Variants in RAC1 observed in about 807,000 individuals in gnomAD.
RAC1 encodes Rac family small GTPase 1, also known as ras-related C3 botulinum toxin substrate 1.
Under a neutral mutation model 25.2 loss-of-function variants are expected in RAC1, and 2 were observed. The ratio of observed to expected loss-of-function variants is 0.08; its 90% CI spans 0.03 to 0.25. The LOEUF (loss-of-function observed/expected upper bound fraction) is 0.25, where lower values mean the gene tolerates loss of function less well. RAC1 is among the 10% of genes least tolerant of loss of function. The probability of loss-of-function intolerance (pLI) is 1.00; values close to 1 mark genes in which losing one functional copy is unlikely to be tolerated. For missense variants in RAC1, 50 were observed against 235.7 expected, an observed-to-expected ratio of 0.21 and a Z score of 5.16; for synonymous variants, 88 against 94.0, an observed-to-expected ratio of 0.94 and a Z score of 0.37.
rs1783442167 is a variant in RAC1 at position 6,402,528 on chromosome 7, A to AAAC, written c.*84_*85insCAA. On this transcript the variant is annotated 3_prime_UTR_variant, in exon 6 of 6. Coordinates refer to ENST00000348035, the MANE Select transcript of RAC1 (RefSeq NM_006908.5). ...AAAAAAAAACAAAAAAAAAAAACAAAAAAAAAAAACAACGGTGGAGCCTTC... is the reference window on the plus strand; with the variant it reads ...AAAAAAAAACAAAAAAAAAAAACAAAAACAAAAAAAAACAACGGTGGAGCCTTC... The AAAC allele has an allele frequency of 6.1e-6, 7 of 1,147,582 alleles. No homozygotes were observed. In the African/African-American group the frequency reaches 1.2e-4, roughly 19 times the overall value. The allele number at this position is 1,147,582 out of a possible 1,614,324, so 71.1% of individuals were successfully genotyped here. A position where few individuals can be genotyped will look rare whatever the true frequency, so the allele number is the denominator to read the frequency against.
chr7:6,379,985 T>C (rs1482788044), intron 1 of RAC1, among the ~76,000 whole-genome samples: 1 of 152,218 alleles, frequency 6.6e-6, no homozygotes, highest in Non-Finnish European at 1.5e-5. Context: ...TGAAGCCCTC[T>C]CTGTTTCACT....
chr7:6,382,990 A>G (rs35417778), intron 1 of RAC1, among the ~76,000 whole-genome samples: 2 of 152,366 alleles, frequency 1.3e-5, no homozygotes, highest in East Asian at 1.9e-4. Flanking sequence ...AAAAAATTGT[A>G]GCATCATGAG....
At chr7:6,385,958 G>C (rs1237373735) in intron 1 of RAC1, among the ~76,000 whole-genome samples, 2 of 152,168 alleles carry the variant, frequency 1.3e-5, no homozygotes, top group African/African-American at 4.8e-5. Context: ...TGTCAATGCT[G>C]TAAAAATTGG....
chr7:6,390,881 T>G (rs1479256139), intron 2 of RAC1, among the ~76,000 whole-genome samples: 22 of 152,216 alleles, frequency 1.4e-4, no homozygotes. Context: ...TCCATCACCA[T>G]CACACCTTTT....
At chr7:6,387,526 C>A (rs1782956857) in intron 2 of RAC1, among the ~76,000 whole-genome samples, 1 of 151,948 alleles carries the variant, frequency 6.6e-6, no homozygotes, top group South Asian at 2.1e-4. Flanking sequence ...GAGTTCGAGA[C>A]CAGCATGGTC....
chr7:6,388,662 AT>A (rs1447510868), intron 2 of RAC1, among the ~76,000 whole-genome samples: 14 of 152,056 alleles, frequency 9.2e-5, no homozygotes, highest in Non-Finnish European at 1.8e-4. Flanking sequence ...AAGTGGAATC[AT>A]GCTGTCCCTG....
At chr7:6,378,862 C>T (rs538626047) in intron 1 of RAC1, among the ~76,000 whole-genome samples, 27 of 152,178 alleles carry the variant, frequency 1.8e-4, no homozygotes, top group Non-Finnish European at 3.5e-4. Flanking sequence ...CCAAGGCAGG[C>T]GGATTGCCTG....
intron 3 of RAC1, among the ~76,000 whole-genome samples, chr7:6,392,728 T>C (rs528031725): frequency 1.3e-5 from 2 of 152,340 alleles, no homozygotes; most frequent in South Asian, 4.1e-4. Context: ...GTGTATCATT[T>C]GCTTATCTTG....
intron 1 of RAC1, among the ~76,000 whole-genome samples, chr7:6,376,178 T>TTC (rs1782587286): frequency 8.3e-6 from 1 of 120,376 alleles, no homozygotes; most frequent in Non-Finnish European, 1.7e-5. Context: ...TATTCAGGCT[T>TTC]TTTTTTTTTT....
chr7:6,377,079 C>G lies in RAC1; in HGVS notation c.35+2309C>G, dbSNP rs576537508. Among the ~76,000 whole-genome samples, 9 of 152,124 alleles carry G rather than the reference C, an allele frequency of 5.9e-5. No individual in the cohort carries two copies. In the South Asian group the frequency reaches 1.9e-3, roughly 32 times the overall value. On this transcript the variant is annotated intron_variant, in intron 1 of 5. Coordinates refer to ENST00000348035, the MANE Select transcript of RAC1 (RefSeq NM_006908.5). ...AAACAAGATGTTGGTTATTAACTAC[C>G]TCGCAGGTGCCCCTTGCTGAATGCT...
chr7:6,384,932 A>G (rs1035608316), intron 1 of RAC1, among the ~76,000 whole-genome samples: 1 of 151,834 alleles, frequency 6.6e-6, no homozygotes, highest in Non-Finnish European at 1.5e-5. Flanking sequence ...CAGCCCCCCA[A>G]GTAGCTGAGA....
At chr7:6,382,792 G>A (rs1289734722) in intron 1 of RAC1, among the ~76,000 whole-genome samples, 2 of 152,348 alleles carry the variant, frequency 1.3e-5, no homozygotes, top group Middle Eastern at 3.4e-3. Flanking sequence ...AGAATTGTTC[G>A]AACCCAGCAG....
At chr7:6,397,068 G>A (rs1435694558) in intron 3 of RAC1, among the ~76,000 whole-genome samples, 3 of 133,746 alleles carry the variant, frequency 2.2e-5, no homozygotes, top group Non-Finnish European at 3.2e-5. Context: ...AAGAAACCCC[G>A]TCTCTACTAA....
At chr7:6,381,309 G>T (rs1782757748) in intron 1 of RAC1, among the ~76,000 whole-genome samples, 1 of 151,760 alleles carries the variant, frequency 6.6e-6, no homozygotes, top group Non-Finnish European at 1.5e-5. Flanking sequence ...CAGCTCAGTT[G>T]TACATAGTGT....
At chr7:6,381,229 T>G (rs1003317537) in intron 1 of RAC1, among the ~76,000 whole-genome samples, 2 of 152,150 alleles carry the variant, frequency 1.3e-5, no homozygotes, top group African/African-American at 4.8e-5. Flanking sequence ...TTTGAACTCT[T>G]GTGTGTTCAG....
intron 1 of RAC1, among the ~76,000 whole-genome samples, chr7:6,382,038 G>C (rs1310159050): frequency 2.0e-5 from 3 of 152,008 alleles, no homozygotes; most frequent in South Asian, 4.1e-4. Context: ...CTGTTGCTCA[G>C]GCTGGAGTGC....
chr7:6,397,424 G>T (rs1466919485), intron 3 of RAC1, among the ~76,000 whole-genome samples: 1 of 151,668 alleles, frequency 6.6e-6, no homozygotes, highest in Non-Finnish European at 1.5e-5. Context: ...CTCCCGAGTA[G>T]CTGGGATTAC....
At chr7:6,375,421 T>C (rs369126658) in intron 1 of RAC1, among the ~76,000 whole-genome samples, 12 of 152,120 alleles carry the variant, frequency 7.9e-5, no homozygotes, top group Admixed American at 2.6e-4. Flanking sequence ...AAATGGGGTC[T>C]CACTGTGTTG....
chr7:6,385,099 C>T (rs1048145875), intron 1 of RAC1, among the ~76,000 whole-genome samples: 2 of 152,188 alleles, frequency 1.3e-5, no homozygotes, highest in Non-Finnish European at 2.9e-5. Context: ...AGCCACCATG[C>T]CTGGCCTAAA....
Sources: gnomAD v4.1 joint callset for allele counts (sites outside exome capture counted in the v4.1 genomes callset) on GRCh38, gnomAD v4.1.1 for gene constraint, MANE v1.5 for transcripts, NCBI Gene and HGNC (gene_info 2026-07-23, HGNC 2026-07-21) for gene names.